ZBTB40: variants seen among roughly 807,000 people sequenced by gnomAD.
ZBTB40 encodes zinc finger and BTB domain containing 40.
In ZBTB40, 60 loss-of-function variants were observed where a neutral mutation model predicts 117.5. The observed-to-expected ratio is 0.51, with a 90% CI of 0.41 to 0.63. The LOEUF is 0.63. Among genes scored for constraint, ZBTB40 ranks in the 30% least tolerant of loss-of-function variants. ZBTB40 has a pLI of 0.00. For synonymous variants in ZBTB40, 525 were observed against 577.1 expected (o/e 0.91, Z 1.29); for missense variants, 1,287 against 1,498.5 (o/e 0.86, Z 2.33).
intron 1 of ZBTB40, among the ~76,000 whole-genome samples, chr1:22,474,289 T>C (rs914595841): frequency 2.6e-5 from 4 of 152,230 alleles, no homozygotes; most frequent in African/African-American, 7.2e-5. Flanking sequence ...GAAACAATGA[T>C]GATACATGTG....
At chr1:22,448,374 A>G (rs1157515163), upstream of ZBTB40, among the ~76,000 whole-genome samples, 1 of 152,214 alleles carries the variant, frequency 6.6e-6, no homozygotes, top group Admixed American at 6.5e-5. Flanking sequence ...AAATATGCCC[A>G]GAGTTGGGAG....
At chr1:22,443,616 GGT>G (rs1640757588) in intron 1 of ZBTB40, among the ~76,000 whole-genome samples, 1 of 152,206 alleles carries the variant, frequency 6.6e-6, no homozygotes, top group African/African-American at 2.4e-5. Context: ...GATCTTAAAA[GGT>G]GTCAGACTCT....
intron 12 of ZBTB40, among the ~76,000 whole-genome samples, chr1:22,516,438 A>G (rs1019332743): frequency 6.7e-6 from 1 of 148,320 alleles, no homozygotes; most frequent in Non-Finnish European, 1.5e-5. Context: ...GGAGGCATCC[A>G]TTACAGATGG....
rs771789371 is a variant in ZBTB40, at chr1:22,522,476, G to A, written c.3298+13G>A. ...TGCCAGCATTCAGGTCAGTACCCCT[G>A]TCAGCATACTTCTAGGCTAGACTCG... On this transcript the variant is annotated intron_variant, in intron 16 of 17. Coordinates refer to ENST00000375647, the MANE Select transcript of ZBTB40 (RefSeq NM_014870.4). 1 of 1,613,914 alleles carries A rather than the reference G, an allele frequency of 6.2e-7. No homozygotes were observed. Among genetic ancestry groups the A allele is most frequent in the South Asian group, 1.1e-5 (1 of 91,076 alleles).
chr1:22,514,273 T>C (rs917859473), intron 12 of ZBTB40, among the ~76,000 whole-genome samples: 19 of 152,222 alleles, frequency 1.2e-4, no homozygotes, highest in African/African-American at 4.6e-4. Flanking sequence ...CACAGTAGCC[T>C]CAAAGCTGGT....
intron 1 of ZBTB40, among the ~76,000 whole-genome samples, chr1:22,431,384 G>GTGTGTGTATATATATATA (rs1222294324): frequency 3.6e-4 from 43 of 119,678 alleles, no homozygotes; most frequent in African/African-American, 1.5e-3. Flanking sequence ...GTGTGTGTGT[G>GTGTGTGTATATATATATA]TATATATATA....
At position 22,528,609 on chromosome 1, in the gene ZBTB40, G is replaced by T. The variant is rs1472297006; in HGVS notation, c.*2213G>T. 1 of 152,152 alleles carries T rather than the reference G, an allele frequency of 6.6e-6. No homozygotes were observed. The highest frequency in any genetic ancestry group is 1.5e-5 in the Non-Finnish European group (1 of 68,052). 9.4% of individuals were successfully genotyped at this position (152,152 alleles called of 1,614,324 possible). A position where few individuals can be genotyped will look rare whatever the true frequency, so the allele number is the denominator to read the frequency against. On this transcript the variant is annotated 3_prime_UTR_variant, in exon 18 of 18. Transcript: ENST00000375647. ...CACAGTGGCACGATCTTGGCTCACTGCAACCTCTGCGGGCTCACGCAATCC... is the reference window on the plus strand; with the variant it reads ...CACAGTGGCACGATCTTGGCTCACTTCAACCTCTGCGGGCTCACGCAATCC...
At chr1:22,483,762 C>T (rs1638391791) in intron 1 of ZBTB40, among the ~76,000 whole-genome samples, 1 of 152,066 alleles carries the variant, frequency 6.6e-6, no homozygotes, top group African/African-American at 2.4e-5. Context: ...CATTGTCTTT[C>T]ATGGAGCAAA....
intron 1 of ZBTB40, among the ~76,000 whole-genome samples, chr1:22,472,979 C>CA (rs1355523944): frequency 2.6e-5 from 4 of 152,178 alleles, no homozygotes; most frequent in African/African-American, 9.7e-5. Context: ...GATTTATTCC[C>CA]AGAGATACTT....
intron 10 of ZBTB40, 127 bp from the exon 11 acceptor site, chr1:22,511,549 A>G: frequency 8.0e-7 from 1 of 1,252,972 alleles, no homozygotes. Flanking sequence ...GGACAATGAT[A>G]TTACTTCAGA....
chr1:22,452,631 A>G (rs962561453), intron 1 of ZBTB40: 9 of 152,418 alleles, frequency 5.9e-5, no homozygotes, highest in African/African-American at 1.9e-4. Context: ...TCACAAAGCC[A>G]GAAATATTTC....
At chr1:22,453,125 A>G (rs1407526856) in intron 1 of ZBTB40, among the ~76,000 whole-genome samples, 1 of 152,156 alleles carries the variant, frequency 6.6e-6, no homozygotes, top group Non-Finnish European at 1.5e-5. Context: ...TCTACCTGGA[A>G]TTGTTTGTTC....
Position 22,511,423 on chromosome 1 carries a change from C to T in ZBTB40, c.2002+76C>T, listed in dbSNP as rs191471657. On this transcript the variant is annotated intron_variant, in intron 10 of 17. Transcript: ENST00000375647. ...TTTCTTGAAGAAAGAGACAGCATTT[C>T]ATATCATAGTTTATCACAACCTTAA... 18 of 1,573,486 alleles carry T rather than the reference C, an allele frequency of 1.1e-5. No individual in the cohort carries two copies. The East Asian group carries it at 4.1e-4, about 36-fold the overall frequency.
Position 22,521,576 on chromosome 1 carries a change from C to G in ZBTB40, c.3129C>G (p.Phe1043Leu). ...CTCAGAACCACCGATCTTCCAAGTT[C>G]TCATCACTCCAGTGCAGCTCCTGTG... ...FAAQNHRSSK[F>L]SSLQCSSCDK... Residue 1043 changes from phenylalanine (F) to leucine (L), a missense_variant, in exon 15 of 18, where the codon TTC becomes TTG. Phe to Leu is a conservative substitution (Grantham distance 22, BLOSUM62 0). This residue lies in a region of ZBTB40 where 417 missense variants were observed against 564.1 expected (regional missense o/e 0.74). Transcript: ENST00000375647. 3 of 1,614,198 alleles carry G rather than the reference C, an allele frequency of 1.9e-6. No homozygotes were observed. Among genetic ancestry groups the G allele is most frequent in the Non-Finnish European group, 2.5e-6 (3 of 1,180,032 alleles).
chr1:22,522,945 C>CTTTTTTTTTTTTTTTCTT (rs1639577061), intron 16 of ZBTB40, among the ~76,000 whole-genome samples: 1 of 93,910 alleles, frequency 1.1e-5, no homozygotes, highest in Non-Finnish European at 2.1e-5. Context: ...TAAGATGTAC[C>CTTTTTTTTTTTTTTTCTT]TTTTTTTTTT....
intron 1 of ZBTB40, among the ~76,000 whole-genome samples, chr1:22,433,326 G>A (rs1215885198): frequency 3.3e-5 from 5 of 149,454 alleles, no homozygotes; most frequent in Non-Finnish European, 7.4e-5. Context: ...CCAGCTACTC[G>A]GGAGGCTGAG....
At chr1:22,519,734 G>C in intron 13 of ZBTB40, 1 of 373,242 alleles carries the variant, frequency 2.7e-6, no homozygotes, top group Non-Finnish European at 5.1e-6. Context: ...CAAACCGGAC[G>C]AGCCAGGGTG....
chr1:22,506,327 G>T (rs763147975), intron 6 of ZBTB40, 86 bp downstream of exon 6: 30 of 1,322,852 alleles, frequency 2.3e-5, no homozygotes, highest in Non-Finnish European at 3.3e-5. Flanking sequence ...CCATGCTGGG[G>T]AGATAAGATT....
chr1:22,457,629 A>T (rs1641034285), intron 1 of ZBTB40, among the ~76,000 whole-genome samples: 2 of 152,248 alleles, frequency 1.3e-5, no homozygotes, highest in African/African-American at 4.8e-5. Flanking sequence ...GGAAATTAGA[A>T]ACAAAGGATT....
Sources: gnomAD v4.1 joint callset for allele counts (sites outside exome capture counted in the v4.1 genomes callset) on GRCh38, gnomAD v4.1.1 for gene constraint, gnomAD v4.1.1 regional missense constraint, MANE v1.5 for transcripts, NCBI Gene and HGNC (gene_info 2026-07-23, HGNC 2026-07-21) for gene names.